Variants in ARMH3 observed in about 807,000 individuals in gnomAD.
ARMH3 encodes the protein armadillo like helical domain containing 3, also known as armadillo-like helical domain-containing protein 3.
ARMH3 carries 60 observed loss-of-function variants against 99.1 expected under a neutral mutation model. The ratio of observed to expected loss-of-function variants is 0.61; its 90% confidence interval spans 0.49 to 0.75. The LOEUF (loss-of-function observed/expected upper bound fraction) is 0.75, where lower values mean the gene tolerates loss of function less well. Ranked by LOEUF, ARMH3 falls within the 30% of genes least tolerant of loss-of-function variation. ARMH3 has a pLI of 0.00. For missense variants in ARMH3, 679 were observed against 843.1 expected, an observed-to-expected ratio of 0.81 and a Z score of 2.41; for synonymous variants, 285 against 292.8, an observed-to-expected ratio of 0.97 and a Z score of 0.27.
At chr10:101,935,556 C>G (rs1203932234) in intron 23 of ARMH3, among the ~76,000 whole-genome samples, 1 of 152,186 alleles carries the variant, frequency 6.6e-6, no homozygotes, top group African/African-American at 2.4e-5. Context: ...TAGGGAGACA[C>G]TACCTTACAG....
intron 20 of ARMH3, among the ~76,000 whole-genome samples, chr10:101,960,041 G>A (rs943883562): frequency 6.6e-6 from 1 of 152,110 alleles, no homozygotes; most frequent in African/African-American, 2.4e-5. Context: ...AGCTGGGCGT[G>A]GCGGTGTGCG....
At chr10:101,985,354 T>A (rs908358884) in intron 19 of ARMH3, among the ~76,000 whole-genome samples, 1 of 150,806 alleles carries the variant, frequency 6.6e-6, no homozygotes, top group African/African-American at 2.4e-5. Context: ...TATATACACA[T>A]ATATGTATAC....
rs558765383 is a variant in ARMH3, at chr10:102,041,240, A to C, written c.-11-1115T>G. Among the ~76,000 whole-genome samples, 4 of 151,346 alleles carry C rather than the reference A, an allele frequency of 2.6e-5. No individual in the cohort carries two copies. The East Asian group carries it at 7.7e-4, about 29-fold the overall frequency. The stretch of plus-strand genomic sequence containing the variant: ...AATTCTCGATTTTTTTTTTCAATTG[A>C]GAACCCGAAATCCCACAGGTCTTTA... On this transcript the variant is annotated intron_variant, in intron 1 of 25. Transcript: ENST00000370033.
chr10:101,889,185 C>T (rs1275037337), intron 24 of ARMH3, among the ~76,000 whole-genome samples: 1 of 152,210 alleles, frequency 6.6e-6, no homozygotes, highest in African/African-American at 2.4e-5. Context: ...CAGATTTTCA[C>T]CTACATATCT....
chr10:101,850,585 C>T (rs1465587368), intron 24 of ARMH3, among the ~76,000 whole-genome samples: 8 of 151,780 alleles, frequency 5.3e-5, no homozygotes, highest in Non-Finnish European at 8.8e-5. Context: ...CCATCATGCC[C>T]GGCTAATTTT....
At chr10:101,890,507 G>A (rs1356573697) in intron 23 of ARMH3, among the ~76,000 whole-genome samples, 1 of 152,186 alleles carries the variant, frequency 6.6e-6, no homozygotes, top group Non-Finnish European at 1.5e-5. Context: ...CTCCCAAAGT[G>A]CTGGGATTAT....
chr10:101,875,300 C>G (rs1008608845), intron 24 of ARMH3, among the ~76,000 whole-genome samples: 2 of 152,032 alleles, frequency 1.3e-5, no homozygotes, highest in Admixed American at 1.3e-4. Flanking sequence ...CAGACCTCAT[C>G]GAGTGAGCAT....
intron 2 of ARMH3, among the ~76,000 whole-genome samples, chr10:102,039,097 T>C (rs2067348069): frequency 6.6e-6 from 1 of 152,030 alleles, no homozygotes; most frequent in Non-Finnish European, 1.5e-5. Context: ...TGACCAGAAT[T>C]TCAGAAGGCA....
Position 101,946,071 on chromosome 10 carries a change from C to CAAAAA in ARMH3, c.1706-6138_1706-6134dup, listed in dbSNP as rs569179050. 9.0e-4 allele frequency among the ~76,000 whole-genome samples: 31 copies of CAAAAA among 34,488 alleles called. 3 individuals carry two copies. The highest frequency in any genetic ancestry group is 2.6e-3 in the African/African-American group (11 of 4,174). 22.6% of individuals were successfully genotyped at this position (34,488 alleles called of 152,430 possible). On this transcript the variant is annotated intron_variant, in intron 22 of 25. Coordinates refer to ENST00000370033, the MANE Select transcript of ARMH3 (RefSeq NM_024541.3). ...TGGGCGACAGAGTAAGACTCTGCCT[C>CAAAAA]AAAAAAAAAAAAAAAAAAAAAAAAA...
intron 23 of ARMH3, among the ~76,000 whole-genome samples, chr10:101,913,860 A>G (rs1324883858): frequency 1.3e-5 from 2 of 152,166 alleles, no homozygotes; most frequent in Non-Finnish European, 2.9e-5. Context: ...CATCTCCTGG[A>G]GCTTTTCAAA....
At chr10:101,993,344 CTT>C (rs1469580237) in intron 17 of ARMH3, among the ~76,000 whole-genome samples, 192 bp downstream of exon 17, 32 of 151,428 alleles carry the variant, frequency 2.1e-4, no homozygotes, top group African/African-American at 7.8e-4. Context: ...TTCCAAAACT[CTT>C]GATTAAGAAA....
chr10:101,997,709 G>A (rs1847125779), intron 15 of ARMH3, among the ~76,000 whole-genome samples: 1 of 151,960 alleles, frequency 6.6e-6, no homozygotes, highest in Admixed American at 6.6e-5. Context: ...GTTCACATAT[G>A]TTCATTTTAT....
intron 20 of ARMH3, among the ~76,000 whole-genome samples, chr10:101,971,229 A>C (rs1845759121): frequency 6.6e-6 from 1 of 152,162 alleles, no homozygotes; most frequent in Non-Finnish European, 1.5e-5. Context: ...CAAGAAGTGC[A>C]AAGGAGATTG....
chr10:101,933,201 C>T (rs974094131), intron 23 of ARMH3, among the ~76,000 whole-genome samples: 1 of 151,856 alleles, frequency 6.6e-6, no homozygotes, highest in Non-Finnish European at 1.5e-5. Context: ...AAAAAAAAAT[C>T]GTTAAAATGG....
At chr10:102,029,780 G>C in intron 4 of ARMH3, 35 bp from the exon 5 acceptor site, 1 of 1,591,738 alleles carries the variant, frequency 6.3e-7, no homozygotes, top group Non-Finnish European at 8.6e-7. Flanking sequence ...TTTCTGGAGA[G>C]GAAGTCTCAG....
intron 5 of ARMH3, among the ~76,000 whole-genome samples, chr10:102,028,785 T>C (rs1025543308): frequency 2.0e-5 from 3 of 152,202 alleles, no homozygotes; most frequent in Non-Finnish European, 4.4e-5. Flanking sequence ...GTTTTCTTTC[T>C]AGGGTGATGA....
chr10:101,983,574 G>T (rs1846325571), intron 19 of ARMH3, among the ~76,000 whole-genome samples: 1 of 152,084 alleles, frequency 6.6e-6, no homozygotes, highest in South Asian at 2.1e-4. Context: ...AATCAAACAT[G>T]CCTACATAAT....
chr10:101,991,710 A>T (rs1846803910), intron 18 of ARMH3, among the ~76,000 whole-genome samples: 1 of 152,160 alleles, frequency 6.6e-6, no homozygotes, highest in Admixed American at 6.5e-5. Flanking sequence ...CTTGTAAATC[A>T]TGTATCAAGT....
chr10:102,012,110 GCTAC>G, intron 10 of ARMH3, among the ~76,000 whole-genome samples: 1 of 152,298 alleles, frequency 6.6e-6, no homozygotes, highest in East Asian at 1.9e-4. Context: ...TTACTTTAGG[GCTAC>G]AACACTGAAA....
Sources: gnomAD v4.1 joint callset for allele counts (sites outside exome capture counted in the v4.1 genomes callset) on GRCh38, gnomAD v4.1.1 for gene constraint, MANE v1.5 for transcripts, NCBI Gene and HGNC (gene_info 2026-07-23, HGNC 2026-07-21) for gene names.